The following TRIM55 variants were observed in gnomAD, a reference collection of about 807,000 sequenced individuals.
The protein encoded by TRIM55 is tripartite motif-containing protein 55.
A neutral mutation model predicts 60.9 loss-of-function variants in TRIM55; 50 were observed. That is an observed-to-expected ratio of 0.82 (90% CI 0.65 to 1.04). The LOEUF is 1.04. Ranked by LOEUF, TRIM55 falls within the 50% of genes least tolerant of loss-of-function variation. TRIM55 has a pLI of 0.00. For missense variants in TRIM55, 681 were observed against 666.9 expected (o/e 1.02, Z -0.23); for synonymous variants, 237 against 238.1 (o/e 1.00, Z 0.04).
At chr8:66,130,827 A>AT (rs548279372) in intron 2 of TRIM55, among the ~76,000 whole-genome samples, 2 of 151,470 alleles carry the variant, frequency 1.3e-5, no homozygotes, top group Non-Finnish European at 2.9e-5. Flanking sequence ...CGCCCAGCTA[A>AT]TTTTTTTGTA....
rs184112024 is a variant in TRIM55 at position 66,167,035 on chromosome 8, G to T, written c.1525-7436G>T. Among the ~76,000 whole-genome samples, 48 of 152,300 alleles carry T rather than the reference G, an allele frequency of 3.2e-4. 1 individual carries two copies. The highest frequency in any genetic ancestry group is 1.1e-3 in the African/African-American group (46 of 41,562). On this transcript the variant is annotated intron_variant, in intron 9 of 9. Transcript: ENST00000315962. ...ATGAGGGCGAGCCGATCCTTCAGTT[G>T]CATCCCATGCTGTCAACCAACCTGC...
chr8:66,172,409 A>G (rs1811692522), intron 9 of TRIM55, among the ~76,000 whole-genome samples: 1 of 152,178 alleles, frequency 6.6e-6, no homozygotes. Flanking sequence ...AACCTCTGCT[A>G]TTGGATAACC....
At chr8:66,161,290 C>T (rs1195471915) in intron 9 of TRIM55, among the ~76,000 whole-genome samples, 1 of 152,100 alleles carries the variant, frequency 6.6e-6, no homozygotes, top group Non-Finnish European at 1.5e-5. Context: ...GGTGTCCTTT[C>T]CCCACTTTAT....
chr8:66,162,475 G>GT lies in TRIM55; in HGVS notation c.1524+8153dup, dbSNP rs199962056. On this transcript the variant is annotated intron_variant, in intron 9 of 9. Transcript: ENST00000315962. Reference sequence around the variant, plus strand: ...TGTTCATCAGGGATATTGGTCTGTAGTTTTTTTTTTTTGTAATGTCCTCCC... The same window carrying GT: ...TGTTCATCAGGGATATTGGTCTGTAGTTTTTTTTTTTTTGTAATGTCCTCCC... 7.5e-3 allele frequency among the ~76,000 whole-genome samples: 1,078 copies of GT among 144,458 alleles called. 9 individuals are homozygous for GT. The highest frequency in any genetic ancestry group is 0.017 in the African/African-American group (666 of 39,634). 94.8% of individuals were successfully genotyped at this position (144,458 alleles called of 152,430 possible). A position where few individuals can be genotyped will look rare whatever the true frequency, so the allele number is the denominator to read the frequency against.
chr8:66,125,079 T>A (rs1054801981), upstream of TRIM55, among the ~76,000 whole-genome samples: 2 of 152,256 alleles, frequency 1.3e-5, no homozygotes, highest in Admixed American at 1.3e-4. Context: ...TGTTTGCCTC[T>A]TATCTACCCA....
chr8:66,118,276 A>G, the TRIM55 span, among the ~76,000 whole-genome samples: 1 of 151,618 alleles, frequency 6.6e-6, no homozygotes, highest in Non-Finnish European at 1.5e-5. Flanking sequence ...AAATTTATAA[A>G]CAACAGATTT....
chr8:66,146,140 T>G (rs1222476649), intron 4 of TRIM55, among the ~76,000 whole-genome samples: 1 of 152,220 alleles, frequency 6.6e-6, no homozygotes, highest in Non-Finnish European at 1.5e-5. Context: ...TACCAATATA[T>G]GCCAGGTAAT....
At chr8:66,173,987 G>A (rs988845163) in intron 9 of TRIM55, among the ~76,000 whole-genome samples, 2 of 151,988 alleles carry the variant, frequency 1.3e-5, no homozygotes, top group Admixed American at 6.6e-5. Context: ...AAATATATAT[G>A]TATATGCATG....
In TRIM55 at chr8:66,154,145, G is replaced by T; in HGVS notation, c.1335G>T (p.Trp445Cys). The stretch of plus-strand genomic sequence containing the variant: ...CGGATCCCTTGTTTTACCCTAGTTG[G>T]TATAAAGGCCAAACCCGGAAAGCCA... ...ETADPLFYPS[W>C]YKGQTRKATT... The change falls in exon 9 of 10, where the codon TGG becomes TGT. Residue 445 changes from tryptophan (W) to cysteine (C), a missense_variant. Physicochemically the swap from Trp to Cys is radical, Grantham distance 215. Transcript: ENST00000315962. 1 of 1,614,078 alleles carries T rather than the reference G, an allele frequency of 6.2e-7. No individual in the cohort carries two copies. Among genetic ancestry groups the T allele is most frequent in the African/African-American group, 1.3e-5 (1 of 74,978 alleles).
At chr8:66,128,553 C>T (rs562384365) in intron 2 of TRIM55, 77 bp downstream of exon 2, 25 of 1,448,650 alleles carry the variant, frequency 1.7e-5, no homozygotes, top group African/African-American at 1.3e-4. Context: ...TGGGTTGCTA[C>T]GCTGAATGCT....
intron 2 of TRIM55, among the ~76,000 whole-genome samples, chr8:66,128,906 C>G (rs1433173694): frequency 6.6e-6 from 1 of 152,044 alleles, no homozygotes; most frequent in Non-Finnish European, 1.5e-5. Context: ...CCGAAGTAGC[C>G]CAGTTCCTAG....
At chr8:66,155,832 A>G in intron 9 of TRIM55, 2 of 708,708 alleles carry the variant, frequency 2.8e-6, no homozygotes, top group Non-Finnish European at 4.7e-6. Context: ...TCCCAAAAGA[A>G]CATTGTTCTC....
At chr8:66,165,110 C>T (rs1270467887) in intron 9 of TRIM55, among the ~76,000 whole-genome samples, 1 of 152,152 alleles carries the variant, frequency 6.6e-6, no homozygotes, top group African/African-American at 2.4e-5. Flanking sequence ...TGTCCCCAGA[C>T]CTGAGCCTTT....
intron 2 of TRIM55, 115 bp from the exon 3 acceptor site, chr8:66,134,875 T>C: frequency 9.0e-7 from 1 of 1,115,390 alleles, no homozygotes; most frequent in Non-Finnish European, 1.3e-6. Flanking sequence ...TGGAATAGAA[T>C]TGCTGGGCAT....
chr8:66,160,829 G>A (rs1811007078), intron 9 of TRIM55, among the ~76,000 whole-genome samples: 2 of 149,874 alleles, frequency 1.3e-5, no homozygotes, highest in Admixed American at 6.6e-5. Context: ...TTTGAGAATT[G>A]TCTGTTCATG....
chr8:66,171,510 G>T lies in TRIM55; in HGVS notation c.1525-2961G>T, dbSNP rs542374387. ...TTAAAAAACATGTGACTGTAATATG[G>T]ACTATCAATCTGTTGTTTACCTTTT... On this transcript the variant is annotated intron_variant, in intron 9 of 9. Transcript: ENST00000315962. Among the ~76,000 whole-genome samples the T allele has an allele frequency of 2.6e-5, 4 of 152,188 alleles. No homozygotes were observed. The South Asian group carries it at 8.3e-4, about 32-fold the overall frequency.
chr8:66,141,844 G>T (rs1809835607), intron 4 of TRIM55, among the ~76,000 whole-genome samples: 1 of 152,156 alleles, frequency 6.6e-6, no homozygotes, highest in Non-Finnish European at 1.5e-5. Flanking sequence ...CCAAAACAGT[G>T]ATTTTACCCA....
Position 66,150,494 on chromosome 8 carries a change from G to A in TRIM55, c.985+28G>A, listed in dbSNP as rs372680604. 4.5e-5 allele frequency: 72 copies of A among 1,612,612 alleles called. 1 individual carries two copies. In the East Asian group the frequency reaches 5.6e-4, roughly 12 times the overall value. On this transcript the variant is annotated intron_variant, in intron 7 of 9. Transcript: ENST00000315962. ...TTGTTATTCTTTTGACCATTTGGCC[G>A]AAGTTGCAGGTGTGTGAAAGCTGCC...
intron 4 of TRIM55, among the ~76,000 whole-genome samples, chr8:66,141,728 A>G (rs1052663464): frequency 2.6e-5 from 4 of 152,238 alleles, no homozygotes; most frequent in African/African-American, 9.6e-5. Flanking sequence ...AAACTGTTCC[A>G]AGTAAATAAT....
Sources: allele counts gnomAD v4.1 joint callset (sites outside exome capture counted in the v4.1 genomes callset), GRCh38; gene constraint gnomAD v4.1.1; transcripts MANE v1.5; gene names NCBI Gene and HGNC (gene_info 2026-07-23, HGNC 2026-07-21).